The following SIPA1L2 variants were observed in gnomAD, a reference collection of about 807,000 sequenced individuals.
SIPA1L2 encodes the protein signal-induced proliferation-associated 1-like protein 2.
A neutral mutation model predicts 163.9 loss-of-function variants in SIPA1L2; 56 were observed. That is an observed-to-expected ratio of 0.34 (90% CI 0.28 to 0.43). The LOEUF (loss-of-function observed/expected upper bound fraction) is 0.43, where lower values mean the gene tolerates loss of function less well. Ranked by LOEUF, SIPA1L2 falls within the 20% of genes least tolerant of loss-of-function variation. SIPA1L2 has a pLI of 1.00. For missense variants in SIPA1L2, 1,974 were observed against 2,193.5 expected (o/e 0.90, Z 2.00); for synonymous variants, 877 against 865.7 (o/e 1.01, Z -0.23).
At chr1:232,502,663 G>A (rs6674092) in intron 3 of SIPA1L2, among the ~76,000 whole-genome samples, 61,982 of 151,814 alleles carry the variant, frequency 0.41, 14,186 homozygotes, top group East Asian at 0.85. Flanking sequence ...TTCTTATTGC[G>A]AACACAGAGA....
intron 2 of SIPA1L2, among the ~76,000 whole-genome samples, chr1:232,562,216 C>A (rs1373354429): frequency 6.6e-6 from 1 of 152,192 alleles, no homozygotes; most frequent in African/African-American, 2.4e-5. Flanking sequence ...ATGTCAACTG[C>A]ACATTTTGAA....
chr1:232,443,364 C>A (rs1177516450), intron 12 of SIPA1L2, among the ~76,000 whole-genome samples: 2 of 152,160 alleles, frequency 1.3e-5, no homozygotes, highest in Non-Finnish European at 2.9e-5. Context: ...TTTTCATGTT[C>A]TGAAAACCTT....
chr1:232,505,779 T>C (rs1397754803), intron 3 of SIPA1L2, among the ~76,000 whole-genome samples: 17 of 152,060 alleles, frequency 1.1e-4, no homozygotes, highest in Non-Finnish European at 1.5e-5. Context: ...GGGGAGGCAA[T>C]ACTGGCCAGG....
chr1:232,440,955 C>A (rs1662856859), intron 14 of SIPA1L2, among the ~76,000 whole-genome samples: 1 of 152,218 alleles, frequency 6.6e-6, no homozygotes, highest in East Asian at 1.9e-4. Flanking sequence ...TCTGACCACA[C>A]ACACCGATTA....
At chr1:232,621,185 A>G (rs1366076807) in intron 1 of SIPA1L2, among the ~76,000 whole-genome samples, 1 of 152,210 alleles carries the variant, frequency 6.6e-6, no homozygotes, top group East Asian at 1.9e-4. Flanking sequence ...CTGCTACCTC[A>G]CCACAAATTA....
At chr1:232,586,608 C>A (rs1337650395) in intron 1 of SIPA1L2, among the ~76,000 whole-genome samples, 1 of 152,302 alleles carries the variant, frequency 6.6e-6, no homozygotes. Flanking sequence ...CTTAAAATTT[C>A]TTTTAATGAA....
chr1:232,437,626 A>T (rs2102850868), intron 15 of SIPA1L2, among the ~76,000 whole-genome samples: 1 of 152,148 alleles, frequency 6.6e-6, no homozygotes, highest in Non-Finnish European at 1.5e-5. Flanking sequence ...CCTCAGCTGC[A>T]CAGCTTGGTG....
intron 17 of SIPA1L2, among the ~76,000 whole-genome samples, chr1:232,427,561 C>G (rs1661973979): frequency 6.6e-6 from 1 of 152,144 alleles, no homozygotes; most frequent in Non-Finnish European, 1.5e-5. Context: ...TTATGAAGAG[C>G]TCACATTTTA....
intron 19 of SIPA1L2, among the ~76,000 whole-genome samples, chr1:232,413,199 G>A (rs1347920459): frequency 6.6e-6 from 1 of 152,174 alleles, no homozygotes; most frequent in Non-Finnish European, 1.5e-5. Flanking sequence ...AATTAATTCA[G>A]CACATGTCCA....
In SIPA1L2 at chr1:232,527,582, C is replaced by T. The variant is rs560367785; in HGVS notation, c.-269-11974G>A. Among the ~76,000 whole-genome samples, 7 of 151,966 alleles carry T rather than the reference C, an allele frequency of 4.6e-5. 1 individual carries two copies. The South Asian group carries it at 1.5e-3, about 32-fold the overall frequency. On this transcript the variant is annotated intron_variant, in intron 2 of 22. Coordinates refer to ENST00000674635, the MANE Select transcript of SIPA1L2 (RefSeq NM_020808.5). The stretch of plus-strand genomic sequence containing the variant: ...TACAGATGCCCACTAATTAATTTGG[C>T]TTGATTATTTTTAAGAAGTTCATAA...
chr1:232,452,943 T>C (rs897275524), intron 10 of SIPA1L2, among the ~76,000 whole-genome samples: 1 of 152,164 alleles, frequency 6.6e-6, no homozygotes, highest in Non-Finnish European at 1.5e-5. Context: ...TCACTACAAA[T>C]AGACATTATT....
intron 1 of SIPA1L2, among the ~76,000 whole-genome samples, chr1:232,615,274 T>G (rs186531536): frequency 6.6e-6 from 1 of 152,184 alleles, no homozygotes; most frequent in Non-Finnish European, 1.5e-5. Context: ...GTCTCCAAAG[T>G]GGCCACTAAA....
At chr1:232,459,963 TAGAG>T (rs758637244) in intron 10 of SIPA1L2, among the ~76,000 whole-genome samples, 42 of 152,296 alleles carry the variant, frequency 2.8e-4, no homozygotes, top group South Asian at 6.2e-4. Context: ...AAGTGAGACT[TAGAG>T]AGAGTGTGTG....
intron 2 of SIPA1L2, among the ~76,000 whole-genome samples, chr1:232,543,698 C>T (rs1346525292): frequency 6.6e-6 from 1 of 152,190 alleles, no homozygotes; most frequent in Admixed American, 6.5e-5. Flanking sequence ...GCAGGCCCTA[C>T]CTTTACAAAA....
intron 1 of SIPA1L2, among the ~76,000 whole-genome samples, chr1:232,583,319 T>C (rs1257145028): frequency 6.6e-6 from 1 of 152,248 alleles, no homozygotes; most frequent in African/African-American, 2.4e-5. Context: ...ACATAAAATT[T>C]AGCATATATA....
intron 3 of SIPA1L2, among the ~76,000 whole-genome samples, chr1:232,507,804 T>C (rs963101653): frequency 5.3e-5 from 8 of 152,210 alleles, no homozygotes; most frequent in African/African-American, 1.9e-4. Context: ...TAATTGATAA[T>C]GGCTCTTAAA....
chr1:232,621,424 A>G (rs1281349591), intron 1 of SIPA1L2, among the ~76,000 whole-genome samples: 2 of 152,136 alleles, frequency 1.3e-5, no homozygotes, highest in Non-Finnish European at 2.9e-5. Flanking sequence ...GATTTATTGA[A>G]ACCTACCATA....
At chr1:232,449,503 G>A (rs1663430163) in intron 10 of SIPA1L2, among the ~76,000 whole-genome samples, 1 of 130,920 alleles carries the variant, frequency 7.6e-6, no homozygotes, top group Non-Finnish European at 1.5e-5. Flanking sequence ...AGGCAAAATA[G>A]CGAGACTCCG....
At chr1:232,520,681 A>T (rs999631230) in intron 2 of SIPA1L2, among the ~76,000 whole-genome samples, 1 of 145,144 alleles carries the variant, frequency 6.9e-6, no homozygotes, top group Non-Finnish European at 1.5e-5. Flanking sequence ...TAACTATAGT[A>T]AAAAAAATGC....
Sources: gnomAD v4.1 joint callset for allele counts (sites outside exome capture counted in the v4.1 genomes callset) on GRCh38, gnomAD v4.1.1 for gene constraint, MANE v1.5 for transcripts, NCBI Gene and HGNC (gene_info 2026-07-23, HGNC 2026-07-21) for gene names.